The following TCF4 variants were observed in gnomAD, a reference collection of about 807,000 sequenced individuals.
The protein encoded by TCF4 is transcription factor 4, also known as SL3-3 enhancer factor 2.
A neutral mutation model predicts 82.1 loss-of-function variants in TCF4; 3 were observed. That is an observed-to-expected ratio of 0.04 (90% CI 0.02 to 0.09). The LOEUF (loss-of-function observed/expected upper bound fraction) is 0.09. Among genes scored for constraint, TCF4 ranks in the 10% least tolerant of loss-of-function variants. TCF4 has a pLI of 1.00. For synonymous variants in TCF4, 276 were observed against 309.6 expected (o/e 0.89, Z 1.14); for missense variants, 518 against 852.7 (o/e 0.61, Z 4.89).
At chr18:55,343,935 G>A (rs1398201647) in intron 8 of TCF4, among the ~76,000 whole-genome samples, 2 of 152,114 alleles carry the variant, frequency 1.3e-5, no homozygotes, top group Non-Finnish European at 2.9e-5. Context: ...GCTTTGAGGT[G>A]CAATTTTATG....
chr18:55,492,134 A>G (rs960794797), intron 3 of TCF4: 1 of 152,144 alleles, frequency 6.6e-6, no homozygotes, highest in African/African-American at 2.4e-5. Context: ...ACCTAAGTTA[A>G]TCTCAGACTC....
intron 6 of TCF4, among the ~76,000 whole-genome samples, chr18:55,382,435 A>G (rs2092059492): frequency 6.6e-6 from 1 of 152,158 alleles, no homozygotes. Flanking sequence ...CCAAGAGAGG[A>G]AAAAAGTTGC....
rs148711561 is a variant in TCF4, at chr18:55,497,687, A to C, written c.146-33550T>G. On this transcript the variant is annotated intron_variant, in intron 3 of 19. Coordinates refer to ENST00000354452, the MANE Select transcript of TCF4 (RefSeq NM_001083962.2). Reference sequence around the variant, plus strand: ...AGGAGGAATGTTTGAGTTCATGTAAAGCTATTAAAACATTAATTATTTAAA... The same window carrying C: ...AGGAGGAATGTTTGAGTTCATGTAACGCTATTAAAACATTAATTATTTAAA... Among the ~76,000 whole-genome samples, 270 of 152,348 alleles carry C rather than the reference A, an allele frequency of 1.8e-3. 1 individual carries two copies. Among genetic ancestry groups the C allele is most frequent in the African/African-American group, 6.0e-3 (248 of 41,580 alleles).
At chr18:55,612,077 C>T (rs908451147) in intron 2 of TCF4, among the ~76,000 whole-genome samples, 2 of 152,126 alleles carry the variant, frequency 1.3e-5, no homozygotes, top group African/African-American at 4.8e-5. Flanking sequence ...GGCCAATGTA[C>T]AAATTATTAA....
intron 5 of TCF4, among the ~76,000 whole-genome samples, chr18:55,448,484 T>A (rs1411381951): frequency 6.6e-6 from 1 of 152,234 alleles, no homozygotes; most frequent in Non-Finnish European, 1.5e-5. Context: ...AACGGCTAAA[T>A]GGCCTAGCAA....
chr18:55,428,214 TA>T (rs2095061914), intron 5 of TCF4, among the ~76,000 whole-genome samples: 1 of 152,166 alleles, frequency 6.6e-6, no homozygotes. Flanking sequence ...CCCTCCTTCT[TA>T]AAAAACTATG....
At chr18:55,581,111 A>G (rs2097571577) in intron 3 of TCF4, among the ~76,000 whole-genome samples, 1 of 151,974 alleles carries the variant, frequency 6.6e-6, no homozygotes, top group Non-Finnish European at 1.5e-5. Flanking sequence ...AACCTAAAAA[A>G]GTTTTCAGAA....
At chr18:55,324,110 T>G (rs1380384649) in intron 8 of TCF4, among the ~76,000 whole-genome samples, 1 of 152,212 alleles carries the variant, frequency 6.6e-6, no homozygotes, top group Non-Finnish European at 1.5e-5. Flanking sequence ...AAATCGATTT[T>G]TAAACCCTGA....
At chr18:55,438,460 T>C (rs916187850) in intron 5 of TCF4, among the ~76,000 whole-genome samples, 8 of 152,016 alleles carry the variant, frequency 5.3e-5, no homozygotes, top group African/African-American at 1.7e-4. Context: ...AAACTGCAAC[T>C]CACTCTACAT....
intron 5 of TCF4, among the ~76,000 whole-genome samples, chr18:55,414,620 C>T (rs2094464149): frequency 6.6e-6 from 1 of 152,118 alleles, no homozygotes; most frequent in African/African-American, 2.4e-5. Context: ...TTAAAAGACA[C>T]ACTCATTACA....
intron 11 of TCF4, chr18:55,269,453 ATTTTGGGAAG>A (rs1030745053): frequency 1.6e-5 from 5 of 315,970 alleles, no homozygotes; most frequent in African/African-American, 8.6e-5. Context: ...AATGACTGGA[ATTTTGGGAAG>A]TGGTCAATAA....
At chr18:55,573,461 T>C (rs937675393) in intron 3 of TCF4, among the ~76,000 whole-genome samples, 1 of 152,214 alleles carries the variant, frequency 6.6e-6, no homozygotes, top group South Asian at 2.1e-4. Context: ...ACTTCACAAC[T>C]GGTGTGGGCC....
intron 14 of TCF4, among the ~76,000 whole-genome samples, chr18:55,256,871 T>C (rs2056969751): frequency 6.6e-6 from 1 of 152,166 alleles, no homozygotes; most frequent in Admixed American, 6.6e-5. Context: ...GGCATTTCTC[T>C]ACCACGAAGG....
intron 6 of TCF4, among the ~76,000 whole-genome samples, chr18:55,382,647 T>C (rs1179452865): frequency 2.0e-5 from 3 of 152,136 alleles, no homozygotes; most frequent in African/African-American, 7.2e-5. Flanking sequence ...CTGATCACCT[T>C]GTTTTAATAC....
At position 55,340,901 on chromosome 18, in the gene TCF4, C is replaced by G. The variant is rs771105336; in HGVS notation, c.549+9458G>C. Among the ~76,000 whole-genome samples, 116 of 152,260 alleles carry G rather than the reference C, an allele frequency of 7.6e-4. 1 individual carries two copies. The highest frequency in any genetic ancestry group is 1.4e-3 in the Non-Finnish European group (98 of 68,018). On this transcript the variant is annotated intron_variant, in intron 8 of 19. Transcript: ENST00000354452. The stretch of plus-strand genomic sequence containing the variant: ...AAATAACTGTGTAGCTAGGAAGTGA[C>G]ATAGCCCCCTAAAAACCCAGTTGAT...
chr18:55,540,954 A>G (rs1288432869), intron 3 of TCF4, among the ~76,000 whole-genome samples: 2 of 152,074 alleles, frequency 1.3e-5, no homozygotes, highest in African/African-American at 4.8e-5. Flanking sequence ...ATATATTTTA[A>G]GAATAAGACT....
chr18:55,560,398 A>C (rs2147297416), intron 3 of TCF4, among the ~76,000 whole-genome samples: 1 of 152,340 alleles, frequency 6.6e-6, no homozygotes, highest in Non-Finnish European at 1.5e-5. Flanking sequence ...TGCTAAATTT[A>C]GGGCTCAGTG....
chr18:55,368,029 T>A (rs1192915498), intron 6 of TCF4, among the ~76,000 whole-genome samples: 1 of 152,180 alleles, frequency 6.6e-6, no homozygotes, highest in Non-Finnish European at 1.5e-5. Flanking sequence ...GAGAAATGAA[T>A]GGCCACATAC....
rs547684789 is a variant in TCF4, at chr18:55,543,491, T to C, written c.145+41789A>G. On this transcript the variant is annotated intron_variant, in intron 3 of 19. Transcript: ENST00000354452. ...ATTAGAAAGCAGCAGAAATCAGCCA[T>C]AGTCTGCATTCATCAAACCTGTCAA... Among the ~76,000 whole-genome samples, 9 of 152,242 alleles carry C rather than the reference T, an allele frequency of 5.9e-5. 1 individual carries two copies. The highest frequency in any genetic ancestry group is 2.1e-4 in the South Asian group (1 of 4,822).
Sources: gnomAD v4.1 joint callset for allele counts (sites outside exome capture counted in the v4.1 genomes callset) on GRCh38, gnomAD v4.1.1 for gene constraint, MANE v1.5 for transcripts, NCBI Gene and HGNC (gene_info 2026-07-23, HGNC 2026-07-21) for gene names.